ACTR3C: variants seen among roughly 807,000 people sequenced by gnomAD.
ACTR3C encodes the protein actin related protein 3C, also known as actin-related protein 3C.
In ACTR3C, 18 loss-of-function variants were observed where a neutral mutation model predicts 26.3. The observed-to-expected ratio is 0.68, with a 90% CI of 0.47 to 1.01. ACTR3C has a LOEUF of 1.01. ACTR3C is among the 50% of genes least tolerant of loss of function. The pLI, the probability that ACTR3C is intolerant of heterozygous loss-of-function variation, is 0.00. For missense variants in ACTR3C, 184 were observed against 250.7 expected (o/e 0.73, Z 1.80); for synonymous variants, 55 against 94.5 (o/e 0.58, Z 2.42).
chr7:150,159,312 G>C, the ACTR3C span, among the ~76,000 whole-genome samples: 3 of 151,936 alleles, frequency 2.0e-5, no homozygotes, highest in Non-Finnish European at 4.4e-5. Context: ...AGGCCACGCT[G>C]CCTCTGTCCA....
chr7:150,294,472 G>A (rs1011145417), intron 2 of ACTR3C, among the ~76,000 whole-genome samples: 11 of 152,196 alleles, frequency 7.2e-5, no homozygotes, highest in African/African-American at 2.4e-4. Flanking sequence ...GTTTCCCTAG[G>A]CCATGGAATA....
At chr7:150,047,821 T>A in the ACTR3C span, 1 of 1,527,052 alleles carries the variant, frequency 6.5e-7, no homozygotes, top group African/African-American at 1.4e-5. Context: ...GAGGTGTTGA[T>A]CTTGCCGGTG....
chr7:149,906,515 T>C, the ACTR3C span, among the ~76,000 whole-genome samples: 1 of 137,932 alleles, frequency 7.2e-6, no homozygotes, highest in African/African-American at 2.7e-5. Context: ...CACTGCAACC[T>C]CCACCTCCCG....
At chr7:149,995,004 G>A in the ACTR3C span, among the ~76,000 whole-genome samples, 1 of 151,810 alleles carries the variant, frequency 6.6e-6, no homozygotes, top group African/African-American at 2.4e-5. Context: ...ACATGCACCC[G>A]CCACAGTGCC....
At chr7:150,199,786 A>T in the ACTR3C span, among the ~76,000 whole-genome samples, 22 of 149,362 alleles carry the variant, frequency 1.5e-4, no homozygotes, top group Non-Finnish European at 2.2e-4. Flanking sequence ...GTGTGAGGTA[A>T]CAGATGTATT....
the ACTR3C span, among the ~76,000 whole-genome samples, chr7:150,180,122 G>A: frequency 1.3e-4 from 19 of 150,692 alleles, no homozygotes; most frequent in East Asian, 3.5e-3. Flanking sequence ...TGGCTAACAC[G>A]GTGAAACCCC....
the ACTR3C span, among the ~76,000 whole-genome samples, chr7:150,043,123 T>G: frequency 2.0e-5 from 3 of 151,322 alleles, no homozygotes; most frequent in African/African-American, 7.3e-5. Context: ...TAACCTGCTT[T>G]CTTTCTGTTC....
intron 6 of ACTR3C, among the ~76,000 whole-genome samples, chr7:150,256,766 T>TA (rs56789869): frequency 3.0e-4 from 44 of 147,630 alleles, no homozygotes; most frequent in Admixed American, 8.8e-4. Flanking sequence ...ATGAAAGTTG[T>TA]AAAAAAAAAA....
At chr7:150,206,741 A>G in the ACTR3C span, among the ~76,000 whole-genome samples, 17 of 152,340 alleles carry the variant, frequency 1.1e-4, no homozygotes, top group East Asian at 3.3e-3. Context: ...TTAATCCCTT[A>G]GAAGATAAGT....
chr7:149,949,398 GGAA>G, the ACTR3C span, among the ~76,000 whole-genome samples: 31 of 31,196 alleles, frequency 9.9e-4, no homozygotes, highest in Non-Finnish European at 7.0e-5. Flanking sequence ...AAGGAGGGAA[GGAA>G]GGAAGGAAGG....
At chr7:149,979,115 T>A in the ACTR3C span, among the ~76,000 whole-genome samples, 1 of 152,246 alleles carries the variant, frequency 6.6e-6, no homozygotes, top group Non-Finnish European at 1.5e-5. Context: ...ACTGGGCACA[T>A]CAGATTTAGC....
the ACTR3C span, among the ~76,000 whole-genome samples, chr7:150,213,379 A>G: frequency 6.6e-6 from 1 of 152,188 alleles, no homozygotes; most frequent in African/African-American, 2.4e-5. Context: ...TGATCTAATC[A>G]TTTAGAGGGA....
At chr7:149,950,036 G>GGGAGCAGGGAGGAAGTGCACCCAGT in the ACTR3C span, among the ~76,000 whole-genome samples, 1 of 148,710 alleles carries the variant, frequency 6.7e-6, no homozygotes, top group Non-Finnish European at 1.5e-5. Flanking sequence ...GTGCACCCAG[G>GGGAGCAGGGAGGAAGTGCACCCAGT]GGAGCAGGGC....
chr7:149,930,009 A>T, the ACTR3C span, among the ~76,000 whole-genome samples: 1 of 152,300 alleles, frequency 6.6e-6, no homozygotes, highest in East Asian at 1.9e-4. Context: ...GTCCTGACAA[A>T]TATGCATATC....
chr7:150,017,198 CA>C, the ACTR3C span, among the ~76,000 whole-genome samples: 1 of 151,022 alleles, frequency 6.6e-6, no homozygotes, highest in Middle Eastern at 3.4e-3. Context: ...CTTCTCCATG[CA>C]AAGTGACCTT....
At chr7:149,955,773 G>A in the ACTR3C span, among the ~76,000 whole-genome samples, 1 of 152,322 alleles carries the variant, frequency 6.6e-6, no homozygotes, top group Middle Eastern at 3.4e-3. Context: ...AAACGTGAGA[G>A]CTTATCTCTG....
the ACTR3C span, among the ~76,000 whole-genome samples, chr7:149,966,982 C>T: frequency 5.3e-4 from 80 of 149,876 alleles, no homozygotes; most frequent in African/African-American, 1.9e-3. Context: ...CAGCCTCCAC[C>T]TCCTGAGTAG....
chr7:149,976,465 T>A, the ACTR3C span, among the ~76,000 whole-genome samples: 1 of 151,292 alleles, frequency 6.6e-6, no homozygotes, highest in African/African-American at 2.4e-5. Context: ...TCCCAGCTAC[T>A]CAGGAGGCTG....
chr7:150,003,664 G>C, the ACTR3C span, among the ~76,000 whole-genome samples: 1 of 151,916 alleles, frequency 6.6e-6, no homozygotes, highest in Non-Finnish European at 1.5e-5. Flanking sequence ...GAGTGTGTGT[G>C]GTATATAGTG....
Sources: allele counts gnomAD v4.1 joint callset (sites outside exome capture counted in the v4.1 genomes callset), GRCh38; gene constraint gnomAD v4.1.1; transcripts MANE v1.5; gene names NCBI Gene and HGNC (gene_info 2026-07-23, HGNC 2026-07-21).